The following DMRT1 variants were observed in gnomAD, a reference collection of about 807,000 sequenced individuals.
DMRT1 encodes doublesex- and mab-3-related transcription factor 1.
A neutral mutation model predicts 32.3 loss-of-function variants in DMRT1; 7 were observed. The ratio of observed to expected loss-of-function variants is 0.22; its 90% CI spans 0.12 to 0.41. The LOEUF (loss-of-function observed/expected upper bound fraction) is 0.41, where lower values mean the gene tolerates loss of function less well. Ranked by LOEUF, DMRT1 falls within the 10% of genes least tolerant of loss-of-function variation. The pLI is 1.00. For missense variants in DMRT1, 625 were observed against 500.5 expected, an observed-to-expected ratio of 1.25 and a Z score of -2.37; for synonymous variants, 278 against 206.1, an observed-to-expected ratio of 1.35 and a Z score of -2.99.
intron 2 of DMRT1, among the ~76,000 whole-genome samples, chr9:862,835 A>C (rs10977188): frequency 0.029 from 4,423 of 152,152 alleles, 228 homozygotes; most frequent in African/African-American, 0.1. Context: ...GGTTATGTAC[A>C]TCAGCGTGGT....
rs56130013 is a variant in DMRT1, at chr9:842,315, AC to A, written c.354+125del. 0.44 allele frequency: 550,949 copies of A among 1,252,358 alleles called. 126,414 individuals carry two copies. Among genetic ancestry groups the A allele is most frequent in the Non-Finnish European group, 0.47 (434,252 of 920,728 alleles). 77.6% of individuals were successfully genotyped at this position (1,252,358 alleles called of 1,614,324 possible). Reference sequence around the variant, plus strand: ...AGTGGCGCGATCTTGGCTCACTGCAACCTCCGCTTCCCGGGTTCAAGCAATT... The same window carrying A: ...AGTGGCGCGATCTTGGCTCACTGCAACTCCGCTTCCCGGGTTCAAGCAATT... On this transcript the variant is annotated intron_variant, in intron 1 of 4. Coordinates refer to ENST00000382276, the MANE Select transcript of DMRT1 (RefSeq NM_021951.3).
intron 1 of DMRT1, 134 bp from the exon 2 acceptor site, chr9:846,826 A>G: frequency 1.7e-6 from 2 of 1,144,422 alleles, no homozygotes; most frequent in Non-Finnish European, 2.6e-6. Context: ...GGTGGGTTTA[A>G]GAAGAAATGG....
chr9:862,765 TGA>T (rs200329718), intron 2 of DMRT1, among the ~76,000 whole-genome samples: 1,863 of 152,176 alleles, frequency 0.012, 33 homozygotes, highest in African/African-American at 0.043. Context: ...TATTCCCTTC[TGA>T]GAGTGGCTGC....
chr9:968,207 T>A lies in DMRT1; in HGVS notation c.*68T>A. ...TTATTCCACTTTCCATGGGGTTTGT[T>A]AATATTTTGCATTGACTCATACTAT... is the stretch of plus-strand genomic sequence containing the variant. On this transcript the variant is annotated 3_prime_UTR_variant, in exon 5 of 5. Transcript: ENST00000382276. 1 of 1,585,318 alleles carries A rather than the reference T, an allele frequency of 6.3e-7. No individual in the cohort carries two copies.
chr9:947,648 G>T (rs1472043466), intron 4 of DMRT1, among the ~76,000 whole-genome samples: 1 of 152,082 alleles, frequency 6.6e-6, no homozygotes, highest in Non-Finnish European at 1.5e-5. Flanking sequence ...TTTTGAGACA[G>T]AGTCTGACTC....
At chr9:853,409 C>T (rs1225725797) in intron 2 of DMRT1, among the ~76,000 whole-genome samples, 4 of 151,690 alleles carry the variant, frequency 2.6e-5, no homozygotes, top group Non-Finnish European at 4.4e-5. Flanking sequence ...TTTAAGATAA[C>T]ATTTTAAACA....
At chr9:857,598 C>T (rs1815454377) in intron 2 of DMRT1, among the ~76,000 whole-genome samples, 1 of 152,034 alleles carries the variant, frequency 6.6e-6, no homozygotes, top group Non-Finnish European at 1.5e-5. Context: ...TAAAACTTGG[C>T]AGGAATAGTT....
At chr9:872,746 C>T (rs1319805956) in intron 2 of DMRT1, among the ~76,000 whole-genome samples, 1 of 152,104 alleles carries the variant, frequency 6.6e-6, no homozygotes, top group Non-Finnish European at 1.5e-5. Context: ...ATTTTATGTT[C>T]AAATTTTTGT....
At chr9:892,139 T>C (rs1292607387) in intron 2 of DMRT1, among the ~76,000 whole-genome samples, 2 of 152,246 alleles carry the variant, frequency 1.3e-5, no homozygotes, top group African/African-American at 4.8e-5. Context: ...TAGTTGTCTG[T>C]TGGTCTTTTC....
intron 2 of DMRT1, among the ~76,000 whole-genome samples, chr9:883,728 G>A (rs569242285): frequency 6.6e-6 from 1 of 151,660 alleles, no homozygotes; most frequent in Non-Finnish European, 1.5e-5. Flanking sequence ...GCAGTTGGAG[G>A]CTGCCGTGAG....
rs1838943316 is a variant in DMRT1, at chr9:847,147, A to G, written c.538+4A>G. 6.2e-7 allele frequency: 1 copy of G among 1,612,092 alleles called. No homozygotes were observed. The highest frequency in any genetic ancestry group is 8.5e-7 in the Non-Finnish European group (1 of 1,179,606). On this transcript the variant is annotated splice_donor_region_variant and intron_variant, in intron 2 of 4. Transcript: ENST00000382276. ...GTCCCCACCACTGCAGCTTCAGGTAATCTGGAGGGGCTGGGGTTCACATGG... is the reference window on the plus strand; with the variant it reads ...GTCCCCACCACTGCAGCTTCAGGTAGTCTGGAGGGGCTGGGGTTCACATGG...
chr9:888,209 C>A (rs769813275), intron 2 of DMRT1, among the ~76,000 whole-genome samples: 4 of 152,122 alleles, frequency 2.6e-5, no homozygotes, highest in African/African-American at 4.8e-5. Flanking sequence ...AACTCACAAC[C>A]ATTTGGCAGC....
chr9:917,727 A>T (rs986018763), intron 4 of DMRT1, among the ~76,000 whole-genome samples: 7 of 152,276 alleles, frequency 4.6e-5, no homozygotes, highest in African/African-American at 1.4e-4. Context: ...TCTTTAGAGA[A>T]CTTAGAGAAT....
At chr9:932,893 G>A (rs1053488603) in intron 4 of DMRT1, among the ~76,000 whole-genome samples, 18 of 151,826 alleles carry the variant, frequency 1.2e-4, no homozygotes, top group Non-Finnish European at 2.4e-4. Flanking sequence ...CGGTATCTCC[G>A]TGCTCTTTGA....
intron 1 of DMRT1, among the ~76,000 whole-genome samples, chr9:843,125 T>C (rs140263574): frequency 0.012 from 1,857 of 152,344 alleles, 19 homozygotes; most frequent in Non-Finnish European, 0.019. Context: ...CCCCAGAATC[T>C]CTGACTCTCC....
intron 2 of DMRT1, among the ~76,000 whole-genome samples, chr9:868,352 C>T (rs1173835981): frequency 6.6e-6 from 1 of 152,158 alleles, no homozygotes; most frequent in Non-Finnish European, 1.5e-5. Context: ...TCTATATTTG[C>T]CTCAGCTTTC....
chr9:871,055 A>C (rs992006126), intron 2 of DMRT1, among the ~76,000 whole-genome samples: 8 of 151,926 alleles, frequency 5.3e-5, no homozygotes, highest in African/African-American at 1.2e-4. Flanking sequence ...GGGTCTTTGA[A>C]CCCAAGGTCT....
At chr9:939,283 G>A (rs1314811605) in intron 4 of DMRT1, among the ~76,000 whole-genome samples, 1 of 152,172 alleles carries the variant, frequency 6.6e-6, no homozygotes, top group Non-Finnish European at 1.5e-5. Flanking sequence ...CCTTTTAACT[G>A]TCTGCTTATT....
At chr9:957,825 C>T (rs1016652964) in intron 4 of DMRT1, among the ~76,000 whole-genome samples, 2 of 151,948 alleles carry the variant, frequency 1.3e-5, no homozygotes, top group Non-Finnish European at 2.9e-5. Flanking sequence ...GCCTGACCAA[C>T]ATGGCGAAAC....
Sources: allele counts gnomAD v4.1 joint callset (sites outside exome capture counted in the v4.1 genomes callset), GRCh38; gene constraint gnomAD v4.1.1; transcripts MANE v1.5; gene names NCBI Gene and HGNC (gene_info 2026-07-23, HGNC 2026-07-21).